The following XRCC4 variants were observed in gnomAD, a reference collection of about 807,000 sequenced individuals.
XRCC4 encodes the protein DNA repair protein XRCC4.
XRCC4 carries 28 observed loss-of-function variants against 39.1 expected under a neutral mutation model. The observed-to-expected ratio is 0.72, with a 90% confidence interval of 0.53 to 0.98. The LOEUF (loss-of-function observed/expected upper bound fraction) is 0.98. Among genes scored for constraint, XRCC4 ranks in the 50% least tolerant of loss-of-function variants. The pLI, the probability that XRCC4 is intolerant of heterozygous loss-of-function variation, is 0.00. For synonymous variants in XRCC4, 123 were observed against 126.4 expected (o/e 0.97, Z 0.18); for missense variants, 350 against 376.4 (o/e 0.93, Z 0.58).
At chr5:83,165,682 C>T (rs73132576) in intron 3 of XRCC4, among the ~76,000 whole-genome samples, 5,021 of 152,038 alleles carry the variant, frequency 0.033, 276 homozygotes, top group African/African-American at 0.11. Flanking sequence ...TCCCCCACCA[C>T]GTGTCCATGT....
Position 83,353,374 on chromosome 5 carries a change from G to A in XRCC4, c.*132G>A. 1.5e-6 allele frequency: 1 copy of A among 686,200 alleles called. No individual in the cohort carries two copies. The highest frequency in any genetic ancestry group is 2.4e-6 in the Non-Finnish European group (1 of 416,462). 42.5% of individuals were successfully genotyped at this position (686,200 alleles called of 1,614,324 possible). On this transcript the variant is annotated 3_prime_UTR_variant, in exon 8 of 8. Coordinates refer to ENST00000396027, the MANE Select transcript of XRCC4 (RefSeq NM_003401.5). ...AATTTAATTACATACACAGTGAATT[G>A]AAACCATTGTGCAAAATGGATTACA...
rs556296635 is a variant in XRCC4, at chr5:83,208,535, C to T, written c.745+3614C>T. 1.9e-4 allele frequency among the ~76,000 whole-genome samples: 29 copies of T among 152,020 alleles called. No homozygotes were observed. The South Asian group carries it at 5.2e-3, about 27-fold the overall frequency. Reference sequence around the variant, plus strand: ...TTGTTAAGTTACATTTTTATGAATACGCAATCAATTTATGGCTTTTTTTCC... The same window carrying T: ...TTGTTAAGTTACATTTTTATGAATATGCAATCAATTTATGGCTTTTTTTCC... On this transcript the variant is annotated intron_variant, in intron 6 of 7. Transcript: ENST00000396027.
chr5:83,297,756 C>T (rs1411985596), intron 7 of XRCC4, among the ~76,000 whole-genome samples: 4 of 151,832 alleles, frequency 2.6e-5, no homozygotes, highest in African/African-American at 4.8e-5. Flanking sequence ...TAAATAGGAA[C>T]ATGAATATAT....
At chr5:83,245,575 G>C (rs1753069549) in intron 6 of XRCC4, among the ~76,000 whole-genome samples, 1 of 151,982 alleles carries the variant, frequency 6.6e-6, no homozygotes, top group South Asian at 2.1e-4. Flanking sequence ...TTGAATAATT[G>C]CATAAGATTT....
intron 3 of XRCC4, among the ~76,000 whole-genome samples, chr5:83,123,853 C>T (rs1747129420): frequency 6.6e-6 from 1 of 151,924 alleles, no homozygotes; most frequent in African/African-American, 2.4e-5. Flanking sequence ...TTTACTTCTA[C>T]ATATCTTATA....
intron 7 of XRCC4, among the ~76,000 whole-genome samples, chr5:83,286,679 A>G (rs947549295): frequency 3.3e-5 from 5 of 152,092 alleles, no homozygotes; most frequent in Admixed American, 6.6e-5. Flanking sequence ...CATCAACAAA[A>G]TAGCTTCATA....
intron 3 of XRCC4, among the ~76,000 whole-genome samples, chr5:83,129,594 C>T (rs1037440763): frequency 6.6e-6 from 1 of 151,954 alleles, no homozygotes; most frequent in Non-Finnish European, 1.5e-5. Flanking sequence ...AATATTGATT[C>T]TTCCTATCCA....
Position 83,105,068 on chromosome 5 carries a change from A to G in XRCC4, c.139+10A>G. On this transcript the variant is annotated intron_variant, in intron 2 of 7. Coordinates refer to ENST00000396027, the MANE Select transcript of XRCC4 (RefSeq NM_003401.5). The stretch of plus-strand genomic sequence containing the variant: ...GCATGGACTGGGACAGGTAATACTA[A>G]AAACAAAGTTTTTATAAGTAAAATT... The G allele has an allele frequency of 6.3e-7, 1 of 1,593,984 alleles. No homozygotes were observed. Among genetic ancestry groups the G allele is most frequent in the Non-Finnish European group, 8.5e-7 (1 of 1,173,500 alleles).
At chr5:83,357,452 G>T (rs180919892), downstream of XRCC4, among the ~76,000 whole-genome samples, 1 of 152,134 alleles carries the variant, frequency 6.6e-6, no homozygotes, top group African/African-American at 2.4e-5. Flanking sequence ...TGAGAAATCG[G>T]GGGGGTTGGA....
intron 7 of XRCC4, among the ~76,000 whole-genome samples, chr5:83,265,459 C>G (rs1753922149): frequency 6.6e-6 from 1 of 152,192 alleles, no homozygotes; most frequent in South Asian, 2.1e-4. Flanking sequence ...GCGGCTCTCA[C>G]TTTGCTTGCT....
At chr5:83,296,570 A>G (rs547163920) in intron 7 of XRCC4, among the ~76,000 whole-genome samples, 2 of 152,224 alleles carry the variant, frequency 1.3e-5, no homozygotes, top group South Asian at 2.1e-4. Context: ...CTTTAACTCA[A>G]TGATAAAAAA....
chr5:83,368,237 C>T, the XRCC4 span, among the ~76,000 whole-genome samples: 1 of 152,138 alleles, frequency 6.6e-6, no homozygotes, highest in African/African-American at 2.4e-5. Flanking sequence ...CCTTGGAAAG[C>T]GTCTTTCTCT....
chr5:83,215,106 C>T (rs1183968898), intron 6 of XRCC4, among the ~76,000 whole-genome samples: 2 of 151,998 alleles, frequency 1.3e-5, no homozygotes, highest in South Asian at 2.1e-4. Context: ...GAAGCTGATG[C>T]GGGCAGATCA....
chr5:83,354,794 C>A (rs1006512336), downstream of XRCC4, among the ~76,000 whole-genome samples: 2 of 152,128 alleles, frequency 1.3e-5, no homozygotes, highest in African/African-American at 4.8e-5. Flanking sequence ...CTTGCACATC[C>A]TGTTATTTTT....
chr5:83,278,272 C>A (rs1754405642), intron 7 of XRCC4, among the ~76,000 whole-genome samples: 1 of 152,174 alleles, frequency 6.6e-6, no homozygotes, highest in Non-Finnish European at 1.5e-5. Flanking sequence ...CAGAGATTAA[C>A]CACAATGCAG....
intron 6 of XRCC4, among the ~76,000 whole-genome samples, chr5:83,224,680 T>C (rs1484016224): frequency 6.6e-6 from 1 of 152,188 alleles, no homozygotes; most frequent in Non-Finnish European, 1.5e-5. Flanking sequence ...TTCTTTAGCC[T>C]TTTTTGTAAT....
At chr5:83,261,039 AT>A (rs1753728397) in intron 7 of XRCC4, among the ~76,000 whole-genome samples, 2 of 151,772 alleles carry the variant, frequency 1.3e-5, no homozygotes, top group Admixed American at 6.6e-5. Flanking sequence ...TAAATTATGT[AT>A]TTTTTTCTTA....
chr5:83,307,431 A>G (rs1168587113), intron 7 of XRCC4, among the ~76,000 whole-genome samples: 1 of 152,222 alleles, frequency 6.6e-6, no homozygotes, highest in African/African-American at 2.4e-5. Flanking sequence ...CTGAGGGATT[A>G]ACAAATTCAC....
At chr5:83,140,887 G>A (rs1748138099) in intron 3 of XRCC4, among the ~76,000 whole-genome samples, 1 of 152,056 alleles carries the variant, frequency 6.6e-6, no homozygotes, top group Non-Finnish European at 1.5e-5. Context: ...ATGTGCCACT[G>A]CACTCTTACC....
Sources: allele counts gnomAD v4.1 joint callset (sites outside exome capture counted in the v4.1 genomes callset), GRCh38; gene constraint gnomAD v4.1.1; transcripts MANE v1.5; gene names NCBI Gene and HGNC (gene_info 2026-07-23, HGNC 2026-07-21).